The following ADAMTSL3 variants were observed in gnomAD, a reference collection of about 807,000 sequenced individuals.
ADAMTSL3 encodes the protein ADAMTS like 3.
A neutral mutation model predicts 201.7 loss-of-function variants in ADAMTSL3; 128 were observed. The ratio of observed to expected loss-of-function variants is 0.63; its 90% confidence interval spans 0.55 to 0.73. ADAMTSL3 has a LOEUF of 0.73. Among genes scored for constraint, ADAMTSL3 ranks in the 30% least tolerant of loss-of-function variants. The pLI, the probability that ADAMTSL3 is intolerant of heterozygous loss-of-function variation, is 0.00. For synonymous variants in ADAMTSL3, 738 were observed against 748.4 expected, an observed-to-expected ratio of 0.99 and a Z score of 0.23; for missense variants, 1,990 against 2,119.6, an observed-to-expected ratio of 0.94 and a Z score of 1.20.
At chr15:83,723,685 A>C (rs539608415) in intron 3 of ADAMTSL3, among the ~76,000 whole-genome samples, 28 of 152,194 alleles carry the variant, frequency 1.8e-4, no homozygotes, top group Admixed American at 3.9e-4. Flanking sequence ...AGGTCACAGA[A>C]TCACATAGGA....
intron 3 of ADAMTSL3, among the ~76,000 whole-genome samples, chr15:83,722,597 A>G (rs1432647268): frequency 6.6e-6 from 1 of 152,210 alleles, no homozygotes; most frequent in Non-Finnish European, 1.5e-5. Context: ...ATCAAAACCT[A>G]TAAACATTAC....
chr15:83,712,815 C>T (rs2061950609), intron 3 of ADAMTSL3, among the ~76,000 whole-genome samples: 1 of 152,202 alleles, frequency 6.6e-6, no homozygotes. Flanking sequence ...CAGTGACCTT[C>T]ACAGACCTTC....
At chr15:83,769,924 G>T (rs55673947) in intron 3 of ADAMTSL3, among the ~76,000 whole-genome samples, 6,594 of 151,624 alleles carry the variant, frequency 0.043, 465 homozygotes, top group African/African-American at 0.15. Context: ...CTCCAGCTTA[G>T]AACTTACCTA....
chr15:83,710,629 G>A (rs980024580), intron 3 of ADAMTSL3, among the ~76,000 whole-genome samples: 1 of 152,170 alleles, frequency 6.6e-6, no homozygotes, highest in East Asian at 1.9e-4. Context: ...GACATCATAG[G>A]TGAAGTCATA....
At chr15:83,967,207 G>C (rs745319358) in intron 19 of ADAMTSL3, among the ~76,000 whole-genome samples, 1 of 152,060 alleles carries the variant, frequency 6.6e-6, no homozygotes, top group Non-Finnish European at 1.5e-5. Flanking sequence ...AGTAATAAAT[G>C]GTATTCAAAT....
At chr15:83,836,787 GTC>G in intron 6 of ADAMTSL3, among the ~76,000 whole-genome samples, 1 of 152,274 alleles carries the variant, frequency 6.6e-6, no homozygotes, top group Non-Finnish European at 1.5e-5. Flanking sequence ...AGGAAAACGA[GTC>G]TCTGAGAGTT....
At chr15:83,865,312 G>C (rs572702502) in intron 8 of ADAMTSL3, among the ~76,000 whole-genome samples, 4 of 152,016 alleles carry the variant, frequency 2.6e-5, no homozygotes, top group Non-Finnish European at 4.4e-5. Flanking sequence ...CAAGTCAATC[G>C]TAACCCAAAA....
intron 2 of ADAMTSL3, among the ~76,000 whole-genome samples, chr15:83,695,154 G>GTAA (rs1423400441): frequency 6.9e-4 from 78 of 113,754 alleles, no homozygotes; most frequent in East Asian, 9.2e-4. Flanking sequence ...GTAGGTATGT[G>GTAA]TGTGTGTATG....
At chr15:83,741,532 T>C (rs2062455347) in intron 3 of ADAMTSL3, among the ~76,000 whole-genome samples, 2 of 152,180 alleles carry the variant, frequency 1.3e-5, no homozygotes, top group Non-Finnish European at 2.9e-5. Context: ...AAACATTTCA[T>C]TGAAATGAGG....
intron 23 of ADAMTSL3, among the ~76,000 whole-genome samples, chr15:84,007,162 AG>A (rs763746617): frequency 1.2e-4 from 18 of 152,168 alleles, no homozygotes; most frequent in Admixed American, 1.3e-4. Flanking sequence ...TAACTTTGTC[AG>A]TTTGTTCTGA....
chr15:83,971,876 A>G (rs1213415345), intron 20 of ADAMTSL3, among the ~76,000 whole-genome samples: 1 of 143,154 alleles, frequency 7.0e-6, no homozygotes, highest in Non-Finnish European at 1.5e-5. Flanking sequence ...AGGAAAACAT[A>G]TATATATATA....
At chr15:83,800,589 T>A (rs1354133007) in intron 4 of ADAMTSL3, among the ~76,000 whole-genome samples, 1 of 152,222 alleles carries the variant, frequency 6.6e-6, no homozygotes, top group Non-Finnish European at 1.5e-5. Flanking sequence ...ATTAAGCAAC[T>A]ACTAAAAATG....
At chr15:83,944,145 A>G (rs2066613792) in intron 19 of ADAMTSL3, among the ~76,000 whole-genome samples, 1 of 152,156 alleles carries the variant, frequency 6.6e-6, no homozygotes, top group Admixed American at 6.5e-5. Context: ...TCTATTTAAT[A>G]TTTTTGGACC....
intron 19 of ADAMTSL3, among the ~76,000 whole-genome samples, chr15:83,958,629 G>T (rs1244480698): frequency 6.6e-6 from 1 of 152,080 alleles, no homozygotes; most frequent in African/African-American, 2.4e-5. Context: ...GATACAGTAA[G>T]ATAAAAGTAT....
At chr15:83,722,813 A>G (rs1394106293) in intron 3 of ADAMTSL3, among the ~76,000 whole-genome samples, 2 of 152,102 alleles carry the variant, frequency 1.3e-5, no homozygotes, top group Non-Finnish European at 2.9e-5. Flanking sequence ...CAGTTGGTTA[A>G]TTTAGAAAAA....
intron 23 of ADAMTSL3, among the ~76,000 whole-genome samples, chr15:84,011,399 T>C (rs960607982): frequency 2.6e-5 from 4 of 152,188 alleles, no homozygotes; most frequent in East Asian, 3.8e-4. Flanking sequence ...CTGGGGCTGC[T>C]ATAAGAAAAA....
intron 6 of ADAMTSL3, among the ~76,000 whole-genome samples, chr15:83,835,206 C>T (rs2064241909): frequency 7.5e-6 from 1 of 133,068 alleles, no homozygotes; most frequent in African/African-American, 2.9e-5. Context: ...TGCACTCCAG[C>T]TTGGGCGGCA....
chr15:83,670,056 G>A (rs1230182169), intron 2 of ADAMTSL3, among the ~76,000 whole-genome samples: 3 of 151,598 alleles, frequency 2.0e-5, no homozygotes, highest in African/African-American at 4.8e-5. Context: ...TTGGGAGTTC[G>A]AGACCAGCCT....
rs935827513 is a variant in ADAMTSL3, at chr15:84,021,789, G to A, written c.4457+196G>A. ...TTGTTAATTTCCTGTTTCGTAGATG[G>A]GGAAACTCCCCTAGGCCATACAGTT... On this transcript the variant is annotated intron_variant, in intron 26 of 29. Transcript: ENST00000286744. Among the ~76,000 whole-genome samples, 6 of 152,094 alleles carry A rather than the reference G, an allele frequency of 3.9e-5. 1 individual carries two copies.
Sources: gnomAD v4.1 joint callset for allele counts (sites outside exome capture counted in the v4.1 genomes callset) on GRCh38, gnomAD v4.1.1 for gene constraint, MANE v1.5 for transcripts, NCBI Gene and HGNC (gene_info 2026-07-23, HGNC 2026-07-21) for gene names.